SASH1: variants seen among roughly 807,000 people sequenced by gnomAD.
The protein encoded by SASH1 is SAM and SH3 domain containing 1, also known as SAM and SH3 domain-containing protein 1.
In SASH1, 44 loss-of-function variants were observed where a neutral mutation model predicts 125.2. The ratio of observed to expected loss-of-function variants is 0.35; its 90% confidence interval spans 0.28 to 0.45. The LOEUF is 0.45. SASH1 is among the 20% of genes least tolerant of loss of function. The pLI, the probability that SASH1 is intolerant of heterozygous loss-of-function variation, is 1.00. For missense variants in SASH1, 1,426 were observed against 1,614.5 expected, an observed-to-expected ratio of 0.88 and a Z score of 2.00; for synonymous variants, 639 against 649.1, an observed-to-expected ratio of 0.98 and a Z score of 0.24.
At chr6:148,338,224 C>T (rs4484545), upstream of SASH1, among the ~76,000 whole-genome samples, 44,373 of 151,836 alleles carry the variant, frequency 0.29, 6,585 homozygotes, top group South Asian at 0.42. Context: ...GTCAGGAGTT[C>T]GAGACCAGCC....
At chr6:148,373,344 GAGC>G (rs1396669787) in intron 1 of SASH1, among the ~76,000 whole-genome samples, 2 of 152,186 alleles carry the variant, frequency 1.3e-5, no homozygotes, top group African/African-American at 4.8e-5. Context: ...GCCGAGAGAG[GAGC>G]AAGTTCAAAG....
intron 2 of SASH1, among the ~76,000 whole-genome samples, chr6:148,431,392 T>C (rs146921219): frequency 4.7e-4 from 71 of 152,080 alleles, no homozygotes; most frequent in African/African-American, 1.5e-3. Context: ...AGAGATAGGG[T>C]TTCACCATGT....
At position 148,532,381 on chromosome 6, in the gene SASH1, C is replaced by T. The variant is rs931648661; in HGVS notation, c.1565-416C>T. 3.9e-5 allele frequency among the ~76,000 whole-genome samples: 6 copies of T among 152,200 alleles called. No homozygotes were observed. Among genetic ancestry groups the T allele is most frequent in the African/African-American group, 7.2e-5 (3 of 41,448 alleles). ...CCGTGCCCCGAGATCAAGTTTAAAC[C>T]TACCACTTTAAGCTCTTTCTTACCC... On this transcript the variant is annotated intron_variant, in intron 13 of 19. Coordinates refer to ENST00000367467, the MANE Select transcript of SASH1 (RefSeq NM_015278.5). This position sits in a 1 kb window ranked among gnomAD's most constrained non-coding sequence, Gnocchi z 4.7.
At chr6:148,384,920 A>T (rs1783299966) in intron 1 of SASH1, among the ~76,000 whole-genome samples, 1 of 152,158 alleles carries the variant, frequency 6.6e-6, no homozygotes, top group Non-Finnish European at 1.5e-5. Flanking sequence ...CATTTTTTAA[A>T]GCCTGAATTT....
chr6:148,464,120 T>C lies in SASH1; in HGVS notation c.387-4425T>C, dbSNP rs80254213. On this transcript the variant is annotated intron_variant, in intron 4 of 19. Transcript: ENST00000367467. ...TACTGTCTCTTAAATTATTTTTATT[T>C]TTCAATGGGATTGATAAATTCCTTA... 6.7e-3 allele frequency among the ~76,000 whole-genome samples: 1,018 copies of C among 152,316 alleles called. 10 individuals carry two copies. The highest frequency in any genetic ancestry group is 0.022 in the African/African-American group (933 of 41,562).
chr6:148,221,317 C>T, the SASH1 span, among the ~76,000 whole-genome samples: 1 of 152,248 alleles, frequency 6.6e-6, no homozygotes. Flanking sequence ...TAAAATTTTA[C>T]TTTCATTCGT....
At chr6:148,366,049 G>A (rs1365431374) in intron 1 of SASH1, among the ~76,000 whole-genome samples, 1 of 152,010 alleles carries the variant, frequency 6.6e-6, no homozygotes, top group Non-Finnish European at 1.5e-5. Context: ...GGAGGTGGAG[G>A]TTGCGGTGAG....
chr6:148,418,835 T>TGAA (rs10635108), intron 2 of SASH1, among the ~76,000 whole-genome samples: 133,658 of 151,788 alleles, frequency 0.88, 58,862 homozygotes, highest in African/African-American at 0.91. Flanking sequence ...TAAAGTTCTG[T>TGAA]GAATACACCT....
At chr6:148,332,861 C>T (rs1158649306) in intron 1 of SASH1, among the ~76,000 whole-genome samples, 1 of 152,014 alleles carries the variant, frequency 6.6e-6, no homozygotes, top group African/African-American at 2.4e-5. Context: ...GTGGCGTGCA[C>T]CTGTAATCCC....
At chr6:148,456,873 C>CAATAACAATAATAAT (rs1554259875) in intron 4 of SASH1, among the ~76,000 whole-genome samples, 7 of 142,302 alleles carry the variant, frequency 4.9e-5, no homozygotes, top group Non-Finnish European at 6.1e-5. Flanking sequence ...TGTCTCATAA[C>CAATAACAATAATAAT]AATAATAATA....
rs1783502590 is a variant in SASH1 at position 148,387,644 on chromosome 6, CTTTCTTTCTTTCTTTCTTTCTTTCT to C, written c.157-2487_157-2463del. Among the ~76,000 whole-genome samples, 3 of 44,450 alleles carry C rather than the reference CTTTCTTTCTTTCTTTCTTTCTTTCT, an allele frequency of 6.7e-5. No homozygotes were observed. The South Asian group carries it at 2.6e-3, about 39-fold the overall frequency. 29.2% of individuals were successfully genotyped at this position (44,450 alleles called of 152,430 possible). A position where few individuals can be genotyped will look rare whatever the true frequency, so the allele number is the denominator to read the frequency against. On this transcript the variant is annotated intron_variant, in intron 1 of 19. Coordinates refer to ENST00000367467, the MANE Select transcript of SASH1 (RefSeq NM_015278.5). Reference sequence around the variant, plus strand: ...TCTTTCTTTCTTTCTTTCTTTCTTTCTTTCTTTCTTTCTTTCTTTCTTTCTTTCTTTCTTTCTTTCTTTCTTTCGG... The same window carrying C: ...TCTTTCTTTCTTTCTTTCTTTCTTTCTTCTTTCTTTCTTTCTTTCTTTCGG...
At chr6:148,281,070 G>A (rs1280666365) in intron 1 of SASH1, among the ~76,000 whole-genome samples, 7 of 144,938 alleles carry the variant, frequency 4.8e-5, no homozygotes, top group African/African-American at 1.5e-4. Flanking sequence ...AGCCTCCCAA[G>A]TAGCTGGAAT....
intron 2 of SASH1, among the ~76,000 whole-genome samples, chr6:148,429,151 ACT>A (rs1168447225): frequency 2.6e-5 from 4 of 152,106 alleles, no homozygotes; most frequent in African/African-American, 9.7e-5. Context: ...TCCTAGTGTA[ACT>A]CTGCAATCCA....
At chr6:148,216,902 G>A in the SASH1 span, among the ~76,000 whole-genome samples, 4 of 151,654 alleles carry the variant, frequency 2.6e-5, no homozygotes, top group African/African-American at 9.7e-5. Context: ...TAATTTTTTT[G>A]TTTTTAGTAG....
chr6:148,298,663 GAGGGAGGAAGGAAGGAAGGA>G (rs1392376773), intron 1 of SASH1, among the ~76,000 whole-genome samples: 5 of 90,066 alleles, frequency 5.6e-5, no homozygotes, highest in East Asian at 7.1e-4. Flanking sequence ...GGGAGGGAGG[GAGGGAGGAAGGAAGGAAGGA>G]AGGAAGGAAG....
intron 1 of SASH1, among the ~76,000 whole-genome samples, chr6:148,361,494 C>T (rs112221359): frequency 0.21 from 31,231 of 151,744 alleles, 3,385 homozygotes; most frequent in East Asian, 0.31. Context: ...CCCAGCTACT[C>T]GGGAGGCCGA....
chr6:148,229,987 C>G, the SASH1 span, among the ~76,000 whole-genome samples: 1 of 152,120 alleles, frequency 6.6e-6, no homozygotes, highest in Admixed American at 6.6e-5. Context: ...GCTGGGATTA[C>G]AGGCATGAGC....
chr6:148,282,063 G>A (rs1779356626), intron 1 of SASH1, among the ~76,000 whole-genome samples: 1 of 152,196 alleles, frequency 6.6e-6, no homozygotes, highest in South Asian at 2.1e-4. Flanking sequence ...CATGGCCATG[G>A]AGGTAGACCA....
chr6:148,336,155 T>C (rs188405579), intron 1 of SASH1, among the ~76,000 whole-genome samples: 16 of 151,746 alleles, frequency 1.1e-4, no homozygotes, highest in Non-Finnish European at 7.4e-5. Flanking sequence ...ACATTTGTGC[T>C]TTCTATTATG....
Sources: gnomAD v4.1 joint callset for allele counts (sites outside exome capture counted in the v4.1 genomes callset) on GRCh38, gnomAD v4.1.1 for gene constraint, Gnocchi (gnomAD v3.1) non-coding constraint, MANE v1.5 for transcripts, NCBI Gene and HGNC (gene_info 2026-07-23, HGNC 2026-07-21) for gene names.